Variants in SERPINB2 observed in about 807,000 individuals in gnomAD.
SERPINB2 encodes the protein serpin family B member 2.
A neutral mutation model predicts 39.4 loss-of-function variants in SERPINB2; 28 were observed. The ratio of observed to expected loss-of-function variants is 0.71; its 90% confidence interval spans 0.53 to 0.97. SERPINB2 has a LOEUF of 0.97. SERPINB2 is among the 50% of genes least tolerant of loss of function. SERPINB2 has a pLI of 0.00. For missense variants in SERPINB2, 557 were observed against 505.3 expected (o/e 1.10, Z -0.98); for synonymous variants, 209 against 175.1 (o/e 1.19, Z -1.53).
intron 1 of SERPINB2, among the ~76,000 whole-genome samples, chr18:63,889,570 C>T (rs956975700): frequency 5.3e-5 from 8 of 151,882 alleles, no homozygotes; most frequent in Non-Finnish European, 7.4e-5. Flanking sequence ...ACATGGGGAT[C>T]GAGAAATATT....
chr18:63,895,562 C>T (rs562451754), intron 3 of SERPINB2, among the ~76,000 whole-genome samples, 179 bp downstream of exon 3: 2 of 152,150 alleles, frequency 1.3e-5, no homozygotes, highest in South Asian at 2.1e-4. Context: ...TAACGAGAGA[C>T]GAGCCAGGAC....
intron 5 of SERPINB2, among the ~76,000 whole-genome samples, chr18:63,900,270 AT>A (rs1231099284): frequency 2.0e-5 from 3 of 152,202 alleles, no homozygotes; most frequent in African/African-American, 7.2e-5. Context: ...CTATACCCCA[AT>A]ACTAACCAAA....
chr18:63,900,309 A>C (rs1463022543), intron 5 of SERPINB2, among the ~76,000 whole-genome samples: 1 of 152,192 alleles, frequency 6.6e-6, no homozygotes, highest in Admixed American at 6.5e-5. Context: ...AAATATATTG[A>C]ATGTATATAT....
At chr18:63,894,241 C>G (rs916706201) in intron 2 of SERPINB2, among the ~76,000 whole-genome samples, 1 of 151,486 alleles carries the variant, frequency 6.6e-6, no homozygotes, top group Non-Finnish European at 1.5e-5. Context: ...GCCAAGCTGT[C>G]GTAGGAAATC....
At chr18:63,893,434 C>CTT (rs34100904) in intron 2 of SERPINB2, among the ~76,000 whole-genome samples, 35,129 of 147,896 alleles carry the variant, frequency 0.24, 4,369 homozygotes, top group East Asian at 0.42. Flanking sequence ...TCTATATAGT[C>CTT]TTTTTTTTTT....
chr18:63,902,498 A>G lies in SERPINB2; in HGVS notation c.773A>G (p.Tyr258Cys), dbSNP rs2049998645. The G allele has an allele frequency of 6.2e-7, 1 of 1,613,710 alleles. No homozygotes were observed. The highest frequency in any genetic ancestry group is 8.5e-7 in the Non-Finnish European group (1 of 1,179,746). ...DLKAQILELPYAGDVSMFLLL... is the reference protein window; with the variant it reads ...DLKAQILELPCAGDVSMFLLL... ...AAGGCTCAGATTCTAGAACTCCCAT[A>G]TGCTGGAGATGTTAGCATGTTCTTG... Residue 258 changes from tyrosine to cysteine, a missense_variant, in exon 7 of 8, where the codon TAT becomes TGT. Coordinates refer to ENST00000299502, the MANE Select transcript of SERPINB2 (RefSeq NM_002575.3).
Position 63,901,760 on chromosome 18 carries a change from C to A in SERPINB2, c.556C>A (p.Pro186Thr). The A allele has an allele frequency of 6.4e-7, 1 of 1,554,548 alleles. No homozygotes were observed. The highest frequency in any genetic ancestry group is 8.6e-7 in the Non-Finnish European group (1 of 1,161,154). ...QTKGKIPNLL[P>T]EGSVDGDTRM... ...TGTAGGCAAAATCCCAAACTTGTTACCTGAAGGTTCTGTAGATGGGGATAC... is the reference window on the plus strand; with the variant it reads ...TGTAGGCAAAATCCCAAACTTGTTAACTGAAGGTTCTGTAGATGGGGATAC... The change falls in exon 6 of 8, where the codon CCT becomes ACT. Residue 186 changes from proline (P) to threonine (T), a missense_variant. Physicochemically the swap from Pro to Thr is conservative, Grantham distance 38 (BLOSUM62 -1). Coordinates refer to ENST00000299502, the MANE Select transcript of SERPINB2 (RefSeq NM_002575.3).
intron 1 of SERPINB2, 88 bp from the exon 2 acceptor site, chr18:63,891,348 A>G: frequency 7.5e-7 from 1 of 1,336,734 alleles, no homozygotes. Flanking sequence ...CCCTACACAG[A>G]ATGCAGCCTG....
intron 2 of SERPINB2, among the ~76,000 whole-genome samples, chr18:63,893,737 A>C (rs74989246): frequency 1.4e-3 from 208 of 152,360 alleles, no homozygotes; most frequent in African/African-American, 4.8e-3. Context: ...TATGTAAGGC[A>C]CTTAGTAGCA....
intron 3 of SERPINB2, among the ~76,000 whole-genome samples, chr18:63,896,288 T>C (rs2049958977): frequency 6.6e-6 from 1 of 152,242 alleles, no homozygotes. Context: ...AGGCTGCTGC[T>C]GTGACCAAGC....
intron 5 of SERPINB2, among the ~76,000 whole-genome samples, chr18:63,901,012 A>C (rs2144705934): frequency 6.6e-6 from 1 of 152,306 alleles, no homozygotes. Context: ...GGAATACTGC[A>C]GAGCGAGTAC....
chr18:63,894,801 C>T (rs979385435), intron 2 of SERPINB2, among the ~76,000 whole-genome samples: 2 of 152,084 alleles, frequency 1.3e-5, no homozygotes, highest in Non-Finnish European at 2.9e-5. Flanking sequence ...ATTGCATGAC[C>T]TGTTTTATGC....
rs756716999 is a variant in SERPINB2 at position 63,891,524 on chromosome 18, A to G, written c.80A>G (p.Asn27Ser). Residue 27 changes from asparagine (N) to serine (S), a missense_variant, in exon 2 of 8, where the codon AAC (asparagine) becomes AGC (serine). Physicochemically the swap from Asn to Ser is conservative, Grantham distance 46. Coordinates refer to ENST00000299502, the MANE Select transcript of SERPINB2 (RefSeq NM_002575.3). ...KHLAKASPTQNLFLSPWSISS... is the reference protein window; with the variant it reads ...KHLAKASPTQSLFLSPWSISS... Reference sequence around the variant, plus strand: ...CTGGCAAAAGCAAGCCCCACCCAGAACCTCTTCCTCTCCCCATGGAGCATC... The same window carrying G: ...CTGGCAAAAGCAAGCCCCACCCAGAGCCTCTTCCTCTCCCCATGGAGCATC... The G allele has an allele frequency of 6.2e-7, 1 of 1,613,986 alleles. No individual in the cohort carries two copies. Among genetic ancestry groups the G allele is most frequent in the Admixed American group, 1.7e-5 (1 of 60,004 alleles).
intron 7 of SERPINB2, 29 bp from the exon 8 acceptor site, chr18:63,902,872 T>TGTTTG: frequency 6.6e-7 from 1 of 1,522,282 alleles, no homozygotes; most frequent in East Asian, 2.3e-5. Context: ...TATTTTCTTT[T>TGTTTG]GTTTGTTTTG....
At chr18:63,901,714 C>A in intron 5 of SERPINB2, 26 bp from the exon 6 acceptor site, 1 of 1,483,052 alleles carries the variant, frequency 6.7e-7, no homozygotes, top group Non-Finnish European at 8.9e-7. Flanking sequence ...ATTATGAAAC[C>A]TAAATATATG....
At position 63,895,304 on chromosome 18, in the gene SERPINB2, C is replaced by A. The variant is rs1290410794; in HGVS notation, c.209C>A (p.Pro70His). 1.2e-6 allele frequency: 2 copies of A among 1,614,070 alleles called. No individual in the cohort carries two copies. The highest frequency in any genetic ancestry group is 1.7e-6 in the Non-Finnish European group (2 of 1,179,970). ...FNEVGANAVT[P>H]MTPENFTSCG... Reference sequence around the variant, plus strand: ...GAAGTGGGAGCCAATGCAGTTACCCCCATGACTCCAGAGAACTTTACCAGC... The same window carrying A: ...GAAGTGGGAGCCAATGCAGTTACCCACATGACTCCAGAGAACTTTACCAGC... Residue 70 changes from proline (P) to histidine (H), a missense_variant, in exon 3 of 8, where the codon CCC (proline) becomes CAC (histidine). Pro to His is a moderately conservative substitution (Grantham distance 77, BLOSUM62 -2). Coordinates refer to ENST00000299502, the MANE Select transcript of SERPINB2 (RefSeq NM_002575.3).
chr18:63,897,851 C>A lies in SERPINB2; in HGVS notation c.535+7C>A, dbSNP rs779011859. The stretch of plus-strand genomic sequence containing the variant: ...GTCAAGACTCAAACCAAAGGTAAAT[C>A]CAAGAAAATATTTTATTTACTTCTT... On this transcript the variant is annotated splice_region_variant and intron_variant, in intron 5 of 7. Transcript: ENST00000299502. The A allele has an allele frequency of 3.3e-6, 5 of 1,515,946 alleles. No individual in the cohort carries two copies. The highest frequency in any genetic ancestry group is 4.5e-6 in the Non-Finnish European group (5 of 1,100,458). 93.9% of individuals were successfully genotyped at this position (1,515,946 alleles called of 1,614,324 possible). A position where few individuals can be genotyped will look rare whatever the true frequency, so the allele number is the denominator to read the frequency against.
intron 2 of SERPINB2, among the ~76,000 whole-genome samples, chr18:63,894,106 G>C (rs566220436): frequency 2.1e-4 from 32 of 152,264 alleles, no homozygotes; most frequent in African/African-American, 7.7e-4. Flanking sequence ...ACTAGGGGCA[G>C]CTCACAGTCC....
chr18:63,896,311 A>G (rs2049959115), intron 3 of SERPINB2, among the ~76,000 whole-genome samples: 1 of 152,212 alleles, frequency 6.6e-6, no homozygotes, highest in South Asian at 2.1e-4. Context: ...TGTGTCTGAC[A>G]TGGTGCTTAC....
Sources: gnomAD v4.1 joint callset for allele counts (sites outside exome capture counted in the v4.1 genomes callset) on GRCh38, gnomAD v4.1.1 for gene constraint, MANE v1.5 for transcripts, NCBI Gene and HGNC (gene_info 2026-07-23, HGNC 2026-07-21) for gene names.